Variants in PTPRT observed in about 807,000 individuals in gnomAD.
The protein encoded by PTPRT is protein tyrosine phosphatase receptor type T.
Under a neutral mutation model 176.8 loss-of-function variants are expected in PTPRT, and 56 were observed. That is an observed-to-expected ratio of 0.32 (90% CI 0.26 to 0.40). The LOEUF (loss-of-function observed/expected upper bound fraction) is 0.40, where lower values mean the gene tolerates loss of function less well. PTPRT is among the 10% of genes least tolerant of loss of function. PTPRT has a pLI of 1.00. For missense variants in PTPRT, 1,540 were observed against 1,908.2 expected, an observed-to-expected ratio of 0.81 and a Z score of 3.60; for synonymous variants, 783 against 739.0, an observed-to-expected ratio of 1.06 and a Z score of -0.96.
At chr20:42,532,701 G>A (rs978505220) in intron 7 of PTPRT, among the ~76,000 whole-genome samples, 2 of 152,174 alleles carry the variant, frequency 1.3e-5, no homozygotes, top group Middle Eastern at 3.2e-3. Context: ...CTGAGGAAGT[G>A]CATTTGCTTC....
intron 1 of PTPRT, among the ~76,000 whole-genome samples, chr20:43,044,638 C>T (rs1362245145): frequency 1.3e-5 from 2 of 152,182 alleles, no homozygotes; most frequent in African/African-American, 2.4e-5. Flanking sequence ...GCCTGTGCCA[C>T]TCCACCTGTA....
At chr20:42,415,944 A>G (rs965657423) in intron 9 of PTPRT, among the ~76,000 whole-genome samples, 1 of 152,266 alleles carries the variant, frequency 6.6e-6, no homozygotes, top group Non-Finnish European at 1.5e-5. Flanking sequence ...CAACATGTAT[A>G]TAGCACAAAC....
At chr20:42,160,448 C>T (rs968179261) in intron 17 of PTPRT, among the ~76,000 whole-genome samples, 13 of 108,526 alleles carry the variant, frequency 1.2e-4, no homozygotes, top group African/African-American at 4.3e-4. Flanking sequence ...GGATTTGAAA[C>T]AAAAAGAGTG....
intron 1 of PTPRT, among the ~76,000 whole-genome samples, chr20:43,013,394 T>C (rs1985223987): frequency 6.6e-6 from 1 of 152,052 alleles, no homozygotes; most frequent in South Asian, 2.1e-4. Context: ...TCCAAGAAAA[T>C]ATAAAATCTG....
intron 6 of PTPRT, among the ~76,000 whole-genome samples, chr20:42,753,222 G>A (rs867145304): frequency 3.3e-5 from 5 of 152,030 alleles, no homozygotes; most frequent in African/African-American, 4.8e-5. Flanking sequence ...GATGCAGGTC[G>A]GACTCCAGTT....
the PTPRT span, among the ~76,000 whole-genome samples, chr20:42,056,603 G>A: frequency 6.6e-5 from 10 of 152,236 alleles, no homozygotes. Context: ...GCATCCCTGT[G>A]TGGATATGAG....
chr20:42,223,285 T>C (rs1600697506), intron 15 of PTPRT, among the ~76,000 whole-genome samples: 1 of 152,222 alleles, frequency 6.6e-6, no homozygotes, highest in Non-Finnish European at 1.5e-5. Flanking sequence ...AATTATCTTA[T>C]GCTGTCCTGG....
chr20:43,176,548 A>C lies in PTPRT; in HGVS notation c.88+13098T>G, dbSNP rs76627986. ...TCAAAAGCAACAGAATATCACGGACAAAGGCAAAATGCCCTTTATCCACCA... is the reference window on the plus strand; with the variant it reads ...TCAAAAGCAACAGAATATCACGGACCAAGGCAAAATGCCCTTTATCCACCA... On this transcript the variant is annotated intron_variant, in intron 1 of 30. Transcript: ENST00000373187. 2.9e-3 allele frequency among the ~76,000 whole-genome samples: 438 copies of C among 152,350 alleles called. 2 individuals are homozygous for C. Among genetic ancestry groups the C allele is most frequent in the Non-Finnish European group, 4.9e-3 (331 of 68,032 alleles).
intron 12 of PTPRT, among the ~76,000 whole-genome samples, chr20:42,289,212 T>A (rs2057280415): frequency 6.6e-6 from 1 of 152,086 alleles, no homozygotes. Flanking sequence ...GGCATTGGCC[T>A]AAGCAAATAA....
intron 7 of PTPRT, among the ~76,000 whole-genome samples, chr20:42,546,281 G>A (rs1319357949): frequency 2.6e-5 from 4 of 152,128 alleles, no homozygotes; most frequent in Non-Finnish European, 5.9e-5. Context: ...GGGAAATAAT[G>A]TACAGAAATT....
chr20:42,303,102 C>T (rs548535855), intron 12 of PTPRT, among the ~76,000 whole-genome samples: 1 of 152,300 alleles, frequency 6.6e-6, no homozygotes, highest in East Asian at 1.9e-4. Context: ...GAGCTGGCAA[C>T]CCCCTGGTTT....
At chr20:42,527,157 G>T (rs1360884532) in intron 7 of PTPRT, among the ~76,000 whole-genome samples, 1 of 151,770 alleles carries the variant, frequency 6.6e-6, no homozygotes, top group Admixed American at 6.6e-5. Context: ...TAGAGACGGG[G>T]TTTCACCGTG....
At chr20:42,102,015 G>A (rs189951973) in intron 26 of PTPRT, 109 bp downstream of exon 26, 179 of 1,322,470 alleles carry the variant, frequency 1.4e-4, no homozygotes, top group East Asian at 2.9e-4. Flanking sequence ...TCAGAAGCAG[G>A]GGGGGCTGGC....
intron 11 of PTPRT, among the ~76,000 whole-genome samples, chr20:42,336,048 A>G (rs557439740): frequency 6.6e-6 from 1 of 152,320 alleles, no homozygotes; most frequent in Non-Finnish European, 1.5e-5. Flanking sequence ...ACGATAATCA[A>G]CTGAGTTAAT....
At chr20:42,343,987 C>T (rs1350425420) in intron 11 of PTPRT, among the ~76,000 whole-genome samples, 1 of 152,252 alleles carries the variant, frequency 6.6e-6, no homozygotes, top group Non-Finnish European at 1.5e-5. Context: ...GCAACCTCTG[C>T]CTACTGGGTT....
At chr20:42,561,787 G>A (rs2072955628) in intron 7 of PTPRT, among the ~76,000 whole-genome samples, 1 of 152,204 alleles carries the variant, frequency 6.6e-6, no homozygotes. Context: ...CACCGCTGAA[G>A]AGCATAAAAC....
At chr20:43,145,366 A>G (rs2146408791) in intron 1 of PTPRT, among the ~76,000 whole-genome samples, 1 of 152,330 alleles carries the variant, frequency 6.6e-6, no homozygotes, top group Middle Eastern at 3.4e-3. Context: ...ATTTCCAACT[A>G]TCAATCACCT....
chr20:42,643,396 C>T (rs753461181), intron 7 of PTPRT, among the ~76,000 whole-genome samples: 9 of 152,132 alleles, frequency 5.9e-5, no homozygotes, highest in Non-Finnish European at 1.3e-4. Context: ...TCACAGCTCA[C>T]TGCAGCCTCA....
intron 9 of PTPRT, among the ~76,000 whole-genome samples, chr20:42,379,112 C>T (rs891778846): frequency 2.6e-5 from 4 of 152,192 alleles, no homozygotes; most frequent in African/African-American, 9.6e-5. Context: ...TCAACTCTGG[C>T]GTGCCCAGCC....
Sources: gnomAD v4.1 joint callset for allele counts (sites outside exome capture counted in the v4.1 genomes callset) on GRCh38, gnomAD v4.1.1 for gene constraint, MANE v1.5 for transcripts, NCBI Gene and HGNC (gene_info 2026-07-23, HGNC 2026-07-21) for gene names.